Variants in SLC11A1 observed in about 807,000 individuals in gnomAD.
SLC11A1 encodes the protein natural resistance-associated macrophage protein 1.
SLC11A1 carries 59 observed loss-of-function variants against 63.2 expected under a neutral mutation model. That is an observed-to-expected ratio of 0.93 (90% CI 0.76 to 1.16). The LOEUF (loss-of-function observed/expected upper bound fraction) is 1.16. Ranked by LOEUF, SLC11A1 falls within the 50% of genes most tolerant of loss-of-function variation. SLC11A1 has a pLI of 0.00. For synonymous variants in SLC11A1, 305 were observed against 307.8 expected, an observed-to-expected ratio of 0.99 and a Z score of 0.09; for missense variants, 688 against 730.7, an observed-to-expected ratio of 0.94 and a Z score of 0.67.
At chr2:218,383,189 A>T (rs1695897361) in intron 2 of SLC11A1, 87 bp downstream of exon 2, 1 of 1,467,608 alleles carries the variant, frequency 6.8e-7, no homozygotes, top group East Asian at 2.4e-5. Flanking sequence ...TCTCCTTATG[A>T]TCATGGGTGG....
At chr2:218,382,835 AG>A in intron 1 of SLC11A1, 124 bp from the exon 2 acceptor site, 1 of 1,200,092 alleles carries the variant, frequency 8.3e-7, no homozygotes, top group East Asian at 2.3e-5. Flanking sequence ...GATGGACCCA[AG>A]ATGGGGGCCA....
chr2:218,385,377 CTGTT>C (rs1028425624), intron 4 of SLC11A1, 111 bp downstream of exon 4: 15 of 1,481,760 alleles, frequency 1.0e-5, no homozygotes, highest in Admixed American at 1.7e-5. Flanking sequence ...CATCCCAAGT[CTGTT>C]TGTTTTTGTT....
intron 1 of SLC11A1, among the ~76,000 whole-genome samples, chr2:218,382,644 T>TGAG (rs1190881445): frequency 1.3e-5 from 2 of 152,104 alleles, no homozygotes; most frequent in Non-Finnish European, 2.9e-5. Context: ...CCGGAGAAGG[T>TGAG]GAGGGGTCCA....
chr2:218,388,034 T>G (rs1316165717), intron 8 of SLC11A1, 79 bp downstream of exon 8: 2 of 1,415,552 alleles, frequency 1.4e-6, no homozygotes, highest in East Asian at 4.9e-5. Flanking sequence ...CTGGAGCCCC[T>G]CCCCTCTGGC....
At chr2:218,386,263 A>G (rs1053969027) in intron 4 of SLC11A1, among the ~76,000 whole-genome samples, 3 of 151,698 alleles carry the variant, frequency 2.0e-5, no homozygotes, top group Non-Finnish European at 4.4e-5. Flanking sequence ...GACCAGCCTG[A>G]CCAACATGGA....
chr2:218,391,988 C>T, intron 11 of SLC11A1: 1 of 279,030 alleles, frequency 3.6e-6, no homozygotes, highest in Non-Finnish European at 7.2e-6. Flanking sequence ...AAACTCTTGA[C>T]CTCGTGATCC....
chr2:218,384,977 C>A lies in SLC11A1; in HGVS notation c.274-170C>A, dbSNP rs1251624137. 6 of 765,778 alleles carry A rather than the reference C, an allele frequency of 7.8e-6. No homozygotes were observed. In the East Asian group the frequency reaches 1.1e-4, roughly 14 times the overall value. 47.4% of individuals were successfully genotyped at this position (765,778 alleles called of 1,614,324 possible). A position where few individuals can be genotyped will look rare whatever the true frequency, so the allele number is the denominator to read the frequency against. On this transcript the variant is annotated intron_variant, in intron 3 of 14. Transcript: ENST00000233202. This position sits in a 1 kb window ranked among gnomAD's most constrained non-coding sequence, Gnocchi z 4.0. ...GACTCAAGCAATCCTCCCACCTTAG[C>A]CTTTTAAAGTGCTGGGATTACAGGG...
chr2:218,385,056 G>A (rs979129188), intron 3 of SLC11A1, 91 bp from the exon 4 acceptor site: 76 of 1,552,594 alleles, frequency 4.9e-5, no homozygotes, highest in Admixed American at 3.1e-4. Flanking sequence ...CCCCCTCCCC[G>A]AGGAGTATGC....
At chr2:218,383,358 CA>C (rs1695906729) in intron 2 of SLC11A1, 5 of 492,350 alleles carry the variant, frequency 1.0e-5, no homozygotes, top group Admixed American at 6.8e-5. Context: ...AAAAGAGGCC[CA>C]GGGGGAATTG....
In SLC11A1 at chr2:218,395,357, C is replaced by T; in HGVS notation, c.*322C>T. ...TTGAGCACCTGCAGGCGTGACCTGA[C>T]AGCCCAAGGGTGGGTGGGGTGAGGG... is the stretch of plus-strand genomic sequence containing the variant. On this transcript the variant is annotated 3_prime_UTR_variant, in exon 15 of 15. Coordinates refer to ENST00000233202, the MANE Select transcript of SLC11A1 (RefSeq NM_000578.4). The T allele has an allele frequency of 3.5e-6, 1 of 283,536 alleles. No homozygotes were observed. The highest frequency in any genetic ancestry group is 4.9e-5 in the South Asian group (1 of 20,524). 17.6% of individuals were successfully genotyped at this position (283,536 alleles called of 1,614,324 possible).
intron 3 of SLC11A1, 102 bp from the exon 4 acceptor site, chr2:218,385,045 A>T (rs1574762478): frequency 9.3e-6 from 14 of 1,512,354 alleles, no homozygotes; most frequent in Non-Finnish European, 1.2e-5. Flanking sequence ...CATCTCTCCC[A>T]CCCCCTCCCC....
rs1696681836 is a variant in SLC11A1 at position 218,395,018 on chromosome 2, G to A, written c.1636G>A (p.Gly546Arg). ...LYGLLEEDQK[G>R]ETSG The stretch of plus-strand genomic sequence containing the variant: ...TGGGCTCCTTGAAGAGGACCAGAAA[G>A]GGGAGACCTCTGGCTAGGCCCACAC... Residue 546 changes from glycine (G) to arginine (R), a missense_variant, in exon 15 of 15, where the codon GGG (glycine) becomes AGG (arginine). Physicochemically the swap from Gly to Arg is moderately radical, Grantham distance 125. Transcript: ENST00000233202. 1.2e-6 allele frequency: 2 copies of A among 1,607,330 alleles called. No individual in the cohort carries two copies. The highest frequency in any genetic ancestry group is 1.7e-6 in the Non-Finnish European group (2 of 1,176,698).
chr2:218,382,411 G>A (rs567133763), intron 1 of SLC11A1, 36 bp downstream of exon 1: 2 of 1,612,282 alleles, frequency 1.2e-6, no homozygotes, highest in African/African-American at 1.3e-5. Flanking sequence ...GCCTGATTGG[G>A]GGGTGGAGTG....
At position 218,390,044 on chromosome 2, in the gene SLC11A1, C is replaced by A. The variant is rs895915431; in HGVS notation, c.954+16C>A. ...CCAGGCTGCGGTGAGACACACTTTC[C>A]CCCGCACCTGAGGCCACACACGTAC... is the stretch of plus-strand genomic sequence containing the variant. On this transcript the variant is annotated intron_variant, in intron 9 of 14. Coordinates refer to ENST00000233202, the MANE Select transcript of SLC11A1 (RefSeq NM_000578.4). 17 of 1,602,534 alleles carry A rather than the reference C, an allele frequency of 1.1e-5. No individual in the cohort carries two copies. Among genetic ancestry groups the A allele is most frequent in the Non-Finnish European group, 1.4e-5 (17 of 1,173,908 alleles).
chr2:218,382,477 T>G (rs1695859468), intron 1 of SLC11A1, 102 bp downstream of exon 1: 1 of 1,313,372 alleles, frequency 7.6e-7, no homozygotes, highest in Non-Finnish European at 1.1e-6. Context: ...CTTGGTCCCC[T>G]GTGGAAGCCT....
chr2:218,382,488 C>T, intron 1 of SLC11A1, 113 bp downstream of exon 1: 1 of 1,185,730 alleles, frequency 8.4e-7, no homozygotes, highest in South Asian at 1.3e-5. Flanking sequence ...GTGGAAGCCT[C>T]TGGTCCCCCG....
intron 1 of SLC11A1, 32 bp from the exon 2 acceptor site, chr2:218,382,928 G>A (rs770714972): frequency 7.4e-6 from 12 of 1,613,728 alleles, no homozygotes; most frequent in Non-Finnish European, 1.0e-5. Flanking sequence ...GAAAGAGGCA[G>A]GACACTCACC....
chr2:218,387,869 G>C lies in SLC11A1; in HGVS notation c.709G>C (p.Gly237Arg). The C allele has an allele frequency of 1.2e-6, 2 of 1,602,348 alleles. No homozygotes were observed. Among genetic ancestry groups the C allele is most frequent in the Non-Finnish European group, 1.7e-6 (2 of 1,174,816 alleles). ...GLFLPSCPGCGHPELLQAVGI... is the reference protein window; with the variant it reads ...GLFLPSCPGCRHPELLQAVGI... The stretch of plus-strand genomic sequence containing the variant: ...GTTCCTGCCCTCGTGCCCGGGCTGC[G>C]GCCACCCCGAGCTGCTGCAGGCGGT... The change falls in exon 8 of 15, where the codon GGC (glycine) becomes CGC (arginine). Residue 237 changes from glycine (G) to arginine (R), a missense_variant. Physicochemically the swap from Gly to Arg is moderately radical, Grantham distance 125. Coordinates refer to ENST00000233202, the MANE Select transcript of SLC11A1 (RefSeq NM_000578.4).
Position 218,391,510 on chromosome 2 carries a change from G to A in SLC11A1, c.1164+15G>A, listed in dbSNP as rs768206643. The A allele has an allele frequency of 3.3e-5, 52 of 1,565,762 alleles. No individual in the cohort carries two copies. The highest frequency in any genetic ancestry group is 7.1e-5 in the East Asian group (3 of 42,152). On this transcript the variant is annotated intron_variant, in intron 11 of 14. Coordinates refer to ENST00000233202, the MANE Select transcript of SLC11A1 (RefSeq NM_000578.4). ...TCGTGATGGAGGTAGGGCAGGGGGCGGGCCCAGGAGGGCAAGGGGTCCAAG... is the reference window on the plus strand; with the variant it reads ...TCGTGATGGAGGTAGGGCAGGGGGCAGGCCCAGGAGGGCAAGGGGTCCAAG...
Sources: allele counts gnomAD v4.1 joint callset (sites outside exome capture counted in the v4.1 genomes callset), GRCh38; gene constraint gnomAD v4.1.1; non-coding constraint Gnocchi (gnomAD v3.1); transcripts MANE v1.5; gene names NCBI Gene and HGNC (gene_info 2026-07-23, HGNC 2026-07-21).